GRID2: variants seen among roughly 807,000 people sequenced by gnomAD.
GRID2 encodes glutamate receptor ionotropic, delta-2.
GRID2 carries 33 observed loss-of-function variants against 114.8 expected under a neutral mutation model. The ratio of observed to expected loss-of-function variants is 0.29; its 90% confidence interval spans 0.22 to 0.38. GRID2 has a LOEUF of 0.38. Ranked by LOEUF, GRID2 falls within the 10% of genes least tolerant of loss-of-function variation. The probability of loss-of-function intolerance (pLI) is 1.00; values close to 1 mark genes in which losing one functional copy is unlikely to be tolerated. For synonymous variants in GRID2, 505 were observed against 449.9 expected, an observed-to-expected ratio of 1.12 and a Z score of -1.55; for missense variants, 1,184 against 1,257.7, an observed-to-expected ratio of 0.94 and a Z score of 0.89.
chr4:92,946,989 T>G (rs1751687596), intron 2 of GRID2, among the ~76,000 whole-genome samples: 1 of 152,042 alleles, frequency 6.6e-6, no homozygotes, highest in Non-Finnish European at 1.5e-5. Context: ...GATGGAAAGA[T>G]TTATAGAAAG....
intron 14 of GRID2, among the ~76,000 whole-genome samples, chr4:93,762,879 G>T (rs908769813): frequency 5.3e-5 from 8 of 152,072 alleles, no homozygotes; most frequent in Non-Finnish European, 1.0e-4. Context: ...ACAAGGTGAG[G>T]TCATCATACC....
intron 1 of GRID2, among the ~76,000 whole-genome samples, chr4:92,503,839 T>C (rs1490165882): frequency 1.3e-5 from 2 of 152,126 alleles, no homozygotes; most frequent in African/African-American, 4.8e-5. Context: ...AGATCTATTA[T>C]AGAATAATCA....
intron 14 of GRID2, among the ~76,000 whole-genome samples, chr4:93,749,392 T>G (rs1732119784): frequency 6.6e-6 from 1 of 152,160 alleles, no homozygotes; most frequent in South Asian, 2.1e-4. Flanking sequence ...CTGGGATGAC[T>G]CTTCAAGGGG....
At chr4:93,605,587 A>C (rs1313270120) in intron 13 of GRID2, among the ~76,000 whole-genome samples, 3 of 152,204 alleles carry the variant, frequency 2.0e-5, no homozygotes, top group Non-Finnish European at 4.4e-5. Context: ...TAGTTGAATG[A>C]ATAGGGAGTT....
intron 2 of GRID2, among the ~76,000 whole-genome samples, chr4:93,071,044 A>G (rs577146665): frequency 1.6e-4 from 25 of 152,116 alleles, no homozygotes; most frequent in Non-Finnish European, 2.8e-4. Flanking sequence ...TCTTATTACA[A>G]AAGAATATCA....
At chr4:92,514,237 C>A (rs1273521569) in intron 1 of GRID2, among the ~76,000 whole-genome samples, 2 of 151,742 alleles carry the variant, frequency 1.3e-5, no homozygotes, top group African/African-American at 2.4e-5. Flanking sequence ...CATGTTCAAC[C>A]CTTATGTATA....
rs950187786 is a variant in GRID2, at chr4:92,454,855, C to G, written c.89-135276C>G. ...CGTCTCAAAAGAAAAAAAGAAAAAT[C>G]TGCACCCCTGCAATGTCTCTGGATT... is the stretch of plus-strand genomic sequence containing the variant. On this transcript the variant is annotated intron_variant, in intron 1 of 15. Transcript: ENST00000282020. 9.2e-5 allele frequency among the ~76,000 whole-genome samples: 14 copies of G among 152,202 alleles called. No homozygotes were observed. In the East Asian group the frequency reaches 2.7e-3, roughly 29 times the overall value.
At chr4:93,098,440 A>T (rs1182072120) in intron 3 of GRID2, among the ~76,000 whole-genome samples, 4 of 152,046 alleles carry the variant, frequency 2.6e-5, no homozygotes, top group African/African-American at 9.7e-5. Flanking sequence ...GATATATCTG[A>T]CAATGGCTAG....
chr4:92,757,879 G>GT (rs1490484491), intron 2 of GRID2, among the ~76,000 whole-genome samples: 1 of 151,828 alleles, frequency 6.6e-6, no homozygotes, highest in African/African-American at 2.4e-5. Flanking sequence ...ATTGGATTTA[G>GT]TAAGATACAC....
intron 2 of GRID2, among the ~76,000 whole-genome samples, chr4:92,694,018 A>G (rs1198516339): frequency 6.6e-6 from 1 of 152,116 alleles, no homozygotes; most frequent in Non-Finnish European, 1.5e-5. Flanking sequence ...CTTTTGACAG[A>G]TTGAGGATTT....
intron 13 of GRID2, among the ~76,000 whole-genome samples, chr4:93,580,813 CCCCCCAGTAA>C (rs1736902860): frequency 6.7e-6 from 1 of 149,458 alleles, no homozygotes; most frequent in Admixed American, 6.7e-5. Context: ...CAAAACAACC[CCCCCCAGTAA>C]CCCCCATACC....
intron 14 of GRID2, among the ~76,000 whole-genome samples, chr4:93,670,563 A>T (rs1409742889): frequency 1.3e-5 from 2 of 152,184 alleles, no homozygotes; most frequent in African/African-American, 2.4e-5. Flanking sequence ...TCGAAGCTGA[A>T]TTACTTGCCT....
rs1173527175 is a variant in GRID2 at position 93,643,760 on chromosome 4, CT to C, written c.2360+17330del. 4.2e-5 allele frequency among the ~76,000 whole-genome samples: 2 copies of C among 47,986 alleles called. 1 individual carries two copies. The allele number at this position is 47,986 out of a possible 152,430, so 31.5% of individuals were successfully genotyped here. On this transcript the variant is annotated intron_variant, in intron 14 of 15. Transcript: ENST00000282020. Reference sequence around the variant, plus strand: ...TTAAGTCTGCAGAGGTTACTGCTGTCTTTTTGTTTGTCTGTGCCCTGCCCCC... The same window carrying C: ...TTAAGTCTGCAGAGGTTACTGCTGTCTTTTGTTTGTCTGTGCCCTGCCCCC...
At chr4:93,353,854 C>T (rs2149264420) in intron 8 of GRID2, among the ~76,000 whole-genome samples, 1 of 151,974 alleles carries the variant, frequency 6.6e-6, no homozygotes, top group African/African-American at 2.4e-5. Context: ...CCTTAGACAG[C>T]AAAGAAGATA....
At chr4:92,682,790 C>G (rs932492519) in intron 2 of GRID2, among the ~76,000 whole-genome samples, 1 of 151,756 alleles carries the variant, frequency 6.6e-6, no homozygotes, top group Non-Finnish European at 1.5e-5. Flanking sequence ...TTGGAAGGCA[C>G]CTGGGTTATT....
chr4:92,377,396 C>G (rs1041405992), intron 1 of GRID2, among the ~76,000 whole-genome samples: 1 of 152,094 alleles, frequency 6.6e-6, no homozygotes, highest in African/African-American at 2.4e-5. Context: ...TTTATTGTCC[C>G]CATTGCTATC....
intron 14 of GRID2, among the ~76,000 whole-genome samples, chr4:93,654,973 T>A (rs759885522): frequency 2.0e-5 from 3 of 152,148 alleles, no homozygotes; most frequent in African/African-American, 4.8e-5. Flanking sequence ...GAAATCCAGA[T>A]CCTTTATCAT....
intron 8 of GRID2, among the ~76,000 whole-genome samples, chr4:93,357,171 G>A (rs1483686737): frequency 6.6e-6 from 1 of 151,532 alleles, no homozygotes; most frequent in African/African-American, 2.4e-5. Flanking sequence ...AACAAAAAAT[G>A]AAAATGTCTC....
At chr4:92,315,993 C>CAAAAAAAAAAAAAAAAAAAAAAAAAACCA (rs778361565) in intron 1 of GRID2, among the ~76,000 whole-genome samples, 1 of 61,916 alleles carries the variant, frequency 1.6e-5, no homozygotes, top group Non-Finnish European at 3.1e-5. Flanking sequence ...AAACAAAAAG[C>CAAAAAAAAAAAAAAAAAAAAAAAAAACCA]AAAAAAAAAA....
Sources: allele counts gnomAD v4.1 joint callset (sites outside exome capture counted in the v4.1 genomes callset), GRCh38; gene constraint gnomAD v4.1.1; transcripts MANE v1.5; gene names NCBI Gene and HGNC (gene_info 2026-07-23, HGNC 2026-07-21).